The following STRADA variants were observed in gnomAD, a reference collection of about 807,000 sequenced individuals.
The protein encoded by STRADA is STE20 related adaptor alpha, also known as STE20-related kinase adapter protein alpha.
STRADA carries 26 observed loss-of-function variants against 55.0 expected under a neutral mutation model. The ratio of observed to expected loss-of-function variants is 0.47; its 90% CI spans 0.35 to 0.66. The LOEUF (loss-of-function observed/expected upper bound fraction) is 0.66, where lower values mean the gene tolerates loss of function less well. Ranked by LOEUF, STRADA falls within the 30% of genes least tolerant of loss-of-function variation. The pLI is 0.01. For synonymous variants in STRADA, 197 were observed against 210.9 expected (o/e 0.93, Z 0.57); for missense variants, 443 against 549.7 (o/e 0.81, Z 1.94).
intron 1 of STRADA, chr17:63,737,321 C>T (rs1004657931): frequency 1.4e-5 from 2 of 143,830 alleles, no homozygotes; most frequent in Admixed American, 7.3e-5. Context: ...TCCACTTGAC[C>T]TTGAATGAGA....
intron 4 of STRADA, among the ~76,000 whole-genome samples, chr17:63,714,744 T>C (rs2036739587): frequency 6.6e-6 from 1 of 152,216 alleles, no homozygotes; most frequent in Non-Finnish European, 1.5e-5. Context: ...CCCTCGTTCC[T>C]GCCCACGTGT....
chr17:63,708,835 C>T (rs1051985000), intron 8 of STRADA, among the ~76,000 whole-genome samples: 2 of 152,246 alleles, frequency 1.3e-5, no homozygotes, highest in Non-Finnish European at 2.9e-5. Context: ...TGCTCTAGAA[C>T]ACCTCTTGCC....
chr17:63,740,086 C>CTATATATATATATATATATATATA (rs771962134), intron 1 of STRADA, among the ~76,000 whole-genome samples: 17 of 41,516 alleles, frequency 4.1e-4, no homozygotes, highest in African/African-American at 2.8e-3. Context: ...ACATTTAACA[C>CTATATATATATATATATATATATA]TATATATATA....
At chr17:63,707,518 CGT>C in intron 8 of STRADA, 100 bp from the exon 9 acceptor site, 1 of 1,137,202 alleles carries the variant, frequency 8.8e-7, no homozygotes, top group African/African-American at 1.5e-5. Context: ...CTCCTGTGTG[CGT>C]GTGTTATACA....
In STRADA at chr17:63,728,391, A is replaced by G. The variant is rs779323539; in HGVS notation, c.-22T>C. On this transcript the variant is annotated 5_prime_UTR_variant, in exon 2 of 13. Transcript: ENST00000336174. ...ACATGAGTTCCTACTGTGTAGGCCT[A>G]CTTCAGTTTCAAAAACTTAAACCTA... is the stretch of plus-strand genomic sequence containing the variant. 3 of 1,592,776 alleles carry G rather than the reference A, an allele frequency of 1.9e-6. No individual in the cohort carries two copies. The East Asian group carries it at 6.8e-5, about 36-fold the overall frequency.
intron 1 of STRADA, among the ~76,000 whole-genome samples, chr17:63,730,492 C>G (rs996508613): frequency 1.4e-4 from 21 of 151,064 alleles, no homozygotes; most frequent in African/African-American, 5.1e-4. Flanking sequence ...GCCTCCAGGG[C>G]TCCAACCATC....
intron 8 of STRADA, among the ~76,000 whole-genome samples, chr17:63,708,304 A>G (rs2143808400): frequency 6.6e-6 from 1 of 151,778 alleles, no homozygotes; most frequent in Admixed American, 6.6e-5. Context: ...GGTTCAAGCA[A>G]TTCTCCTGCC....
intron 4 of STRADA, chr17:63,714,477 G>T: frequency 6.5e-6 from 2 of 307,198 alleles, no homozygotes; most frequent in Non-Finnish European, 1.3e-5. Flanking sequence ...GAGAGGTAGG[G>T]GTTCTCATGA....
intron 4 of STRADA, chr17:63,718,697 T>C (rs1196472324): frequency 6.6e-6 from 1 of 152,168 alleles, no homozygotes; most frequent in Non-Finnish European, 1.5e-5. Flanking sequence ...ACAAGTGTGT[T>C]CCAGTCTCAG....
chr17:63,717,348 C>T (rs920915821), intron 4 of STRADA, among the ~76,000 whole-genome samples: 2 of 152,176 alleles, frequency 1.3e-5, no homozygotes, highest in Admixed American at 6.6e-5. Flanking sequence ...CACTTTGTCA[C>T]CCAGGCTGGA....
intron 1 of STRADA, among the ~76,000 whole-genome samples, chr17:63,740,086 CTA>C (rs771962134): frequency 0.033 from 1,353 of 41,456 alleles, 149 homozygotes; most frequent in Non-Finnish European, 0.033. Flanking sequence ...ACATTTAACA[CTA>C]TATATATATA....
chr17:63,736,207 G>T (rs2038412021), intron 1 of STRADA, among the ~76,000 whole-genome samples: 1 of 152,160 alleles, frequency 6.6e-6, no homozygotes, highest in Admixed American at 6.5e-5. Flanking sequence ...AAAGTGCTGG[G>T]ATTACAGGCA....
At position 63,714,054 on chromosome 17, in the gene STRADA, T is replaced by C. The variant is rs1246931324; in HGVS notation, c.178A>G (p.Ser60Gly). Residue 60 changes from serine to glycine, a missense_variant, in exon 5 of 13, where the codon AGT becomes GGT. By Grantham distance (56) the Ser-to-Gly change is moderately conservative. Coordinates refer to ENST00000336174, the MANE Select transcript of STRADA (RefSeq NM_001003787.4). ...CACCCTCCCTCTGGCAGAAAGCTAC[T>C]CATGACCTCCTGTTTAGAGAAGGAT... ...IASFSKQEVM[S>G]SFLPEGGCYE... 1.2e-6 allele frequency: 2 copies of C among 1,613,780 alleles called. No individual in the cohort carries two copies. Among genetic ancestry groups the C allele is most frequent in the Non-Finnish European group, 1.7e-6 (2 of 1,179,894 alleles).
At chr17:63,710,873 G>A (rs1277085509) in intron 6 of STRADA, 37 bp from the exon 7 acceptor site, 2 of 1,583,094 alleles carry the variant, frequency 1.3e-6, no homozygotes, top group Non-Finnish European at 8.7e-7. Context: ...AGAACCAAAT[G>A]GCACTGAAGG....
chr17:63,725,489 C>T (rs2037585472), intron 3 of STRADA, among the ~76,000 whole-genome samples: 1 of 151,732 alleles, frequency 6.6e-6, no homozygotes, highest in South Asian at 2.1e-4. Context: ...GCAGCTGGGA[C>T]CACAGGTGTG....
In STRADA at chr17:63,728,328, A is replaced by C; in HGVS notation, c.36+6T>G. On this transcript the variant is annotated splice_donor_region_variant and intron_variant, in intron 2 of 12. Coordinates refer to ENST00000336174, the MANE Select transcript of STRADA (RefSeq NM_001003787.4). ...AGTAAAGCCAGAAGAATAGAAAAAC[A>C]CTCACCCTGATTCGCTCTGGTTTAC... 1 of 1,613,270 alleles carries C rather than the reference A, an allele frequency of 6.2e-7. No individual in the cohort carries two copies. The highest frequency in any genetic ancestry group is 8.5e-7 in the Non-Finnish European group (1 of 1,179,710).
intron 1 of STRADA, among the ~76,000 whole-genome samples, chr17:63,732,910 CAG>C (rs2038170132): frequency 6.6e-6 from 1 of 151,976 alleles, no homozygotes; most frequent in South Asian, 2.1e-4. Context: ...TGGGGAAGGA[CAG>C]AGTCTCGTGC....
At position 63,726,630 on chromosome 17, in the gene STRADA, G is replaced by A; in HGVS notation, c.94+8C>T. ...TGAAGTGATGGCTAAATGCCATACTGTACTTACCTCCAAATAGTTCCAAAT... is the reference window on the plus strand; with the variant it reads ...TGAAGTGATGGCTAAATGCCATACTATACTTACCTCCAAATAGTTCCAAAT... On this transcript the variant is annotated splice_region_variant and intron_variant, in intron 3 of 12. Coordinates refer to ENST00000336174, the MANE Select transcript of STRADA (RefSeq NM_001003787.4). 4.3e-6 allele frequency: 7 copies of A among 1,613,784 alleles called. No individual in the cohort carries two copies. Among genetic ancestry groups the A allele is most frequent in the South Asian group, 1.1e-5 (1 of 91,064 alleles).
chr17:63,704,714 G>A, intron 10 of STRADA, 132 bp from the exon 11 acceptor site: 3 of 1,509,702 alleles, frequency 2.0e-6, no homozygotes, highest in Non-Finnish European at 2.6e-6. Flanking sequence ...AGTGGAAAAG[G>A]TGGAAGTGGA....
Sources: allele counts gnomAD v4.1 joint callset (sites outside exome capture counted in the v4.1 genomes callset), GRCh38; gene constraint gnomAD v4.1.1; transcripts MANE v1.5; gene names NCBI Gene and HGNC (gene_info 2026-07-23, HGNC 2026-07-21).